Variants in CYP2F1 observed in about 807,000 individuals in gnomAD.
CYP2F1 encodes the protein cytochrome P450 2F1.
Under a neutral mutation model 40.4 loss-of-function variants are expected in CYP2F1, and 33 were observed. The ratio of observed to expected loss-of-function variants is 0.82; its 90% CI spans 0.62 to 1.09. The LOEUF (loss-of-function observed/expected upper bound fraction) is 1.09, where lower values mean the gene tolerates loss of function less well. Among genes scored for constraint, CYP2F1 ranks in the 50% least tolerant of loss-of-function variants. The probability of loss-of-function intolerance (pLI) is 0.00; values close to 1 mark genes in which losing one functional copy is unlikely to be tolerated. For synonymous variants in CYP2F1, 235 were observed against 277.2 expected, an observed-to-expected ratio of 0.85 and a Z score of 1.51; for missense variants, 566 against 655.7, an observed-to-expected ratio of 0.86 and a Z score of 1.49.
At position 41,122,001 on chromosome 19, in the gene CYP2F1, G is replaced by T. The variant is rs150534450; in HGVS notation, c.690G>T (p.Pro230=). 1.2e-6 allele frequency: 2 copies of T among 1,613,146 alleles called. No homozygotes were observed. Among genetic ancestry groups the T allele is most frequent in the South Asian group, 2.2e-5 (2 of 91,030 alleles). Residue 230 remains proline, a synonymous_variant, in exon 6 of 10, where the codon CCG becomes CCT. Coordinates refer to ENST00000331105, the MANE Select transcript of CYP2F1 (RefSeq NM_000774.5). ...FPSLLDWVPG[P]HQRIFQNFKC... is the part of the protein sequence containing the mutation. The stretch of plus-strand genomic sequence containing the variant: ...GCCTCCTGGACTGGGTGCCTGGGCC[G>T]CACCAACGCATCTTCCAGAACTTCA...
chr19:41,128,087 C>T lies in CYP2F1; in HGVS notation c.*5C>T. ...CTGTGCCTGCGCCCGCGCTAACGCC[C>T]CGGCCCTTCCAGATTCGCCTGTGAG... On this transcript the variant is annotated 3_prime_UTR_variant, in exon 10 of 10. Transcript: ENST00000331105. 1 of 1,598,168 alleles carries T rather than the reference C, an allele frequency of 6.3e-7. No homozygotes were observed. The highest frequency in any genetic ancestry group is 2.2e-5 in the East Asian group (1 of 44,476).
chr19:41,126,645 T>C (rs1398934037), intron 9 of CYP2F1, among the ~76,000 whole-genome samples: 2 of 151,822 alleles, frequency 1.3e-5, no homozygotes, highest in Admixed American at 1.3e-4. Context: ...TCCCAGCTAC[T>C]TGGGAGGCTG....
chr19:41,121,187 G>A (rs553582799), intron 4 of CYP2F1, among the ~76,000 whole-genome samples: 56 of 152,222 alleles, frequency 3.7e-4, no homozygotes, highest in African/African-American at 1.3e-3. Flanking sequence ...CGCGTGCTGT[G>A]TGTTGTGTTG....
At chr19:41,122,562 C>T (rs1283309228) in intron 6 of CYP2F1, among the ~76,000 whole-genome samples, 3 of 151,600 alleles carry the variant, frequency 2.0e-5, no homozygotes, top group African/African-American at 7.3e-5. Context: ...CATACATACA[C>T]ACATACATAC....
chr19:41,122,935 G>A lies in CYP2F1; in HGVS notation c.936G>A (p.Leu312=). Residue 312 remains leucine, a synonymous_variant, in exon 7 of 10, where the codon CTG becomes CTA. Transcript: ENST00000331105. ...TVSTTLHHAF[L]ALMKYPKVQA... ...GCACCACGCTGCACCACGCCTTCCT[G>A]GCACTCATGAAGTACCCAAAAGTTC... is the stretch of plus-strand genomic sequence containing the variant. 1 of 1,613,170 alleles carries A rather than the reference G, an allele frequency of 6.2e-7. No individual in the cohort carries two copies. Among genetic ancestry groups the A allele is most frequent in the Non-Finnish European group, 8.5e-7 (1 of 1,179,534 alleles).
At chr19:41,119,748 T>TATATATATATATATATAC (rs1337166345) in intron 3 of CYP2F1, among the ~76,000 whole-genome samples, 11 of 36,100 alleles carry the variant, frequency 3.0e-4, no homozygotes, top group African/African-American at 4.4e-4. Flanking sequence ...TATATATATA[T>TATATATATATATATATAC]ACACACACAC....
chr19:41,125,342 C>G, intron 8 of CYP2F1, 151 bp from the exon 9 acceptor site: 1 of 598,926 alleles, frequency 1.7e-6, no homozygotes, highest in South Asian at 2.0e-5. Flanking sequence ...TAGACACCCA[C>G]ACATATTTCC....
At chr19:41,119,641 A>T (rs978892100) in intron 3 of CYP2F1, among the ~76,000 whole-genome samples, 1 of 146,158 alleles carries the variant, frequency 6.8e-6, no homozygotes, top group South Asian at 2.2e-4. Flanking sequence ...GTAAGCTGAG[A>T]TTGTGCCACT....
In CYP2F1 at chr19:41,116,560, G is replaced by T; in HGVS notation, c.277G>T (p.Glu93Ter). Residue 93 changes from glutamate (E) to a stop codon, truncating the protein, a stop_gained, in exon 3 of 10, where the codon GAG becomes TAG. Coordinates refer to ENST00000331105, the MANE Select transcript of CYP2F1 (RefSeq NM_000774.5). LOFTEE classifies it high-confidence loss of function. Reference sequence around the variant, plus strand: ...GAAGGAGGCCCTGGTGGACCAGGGAGAGGAGTTTAGTGGCCGCGGTGACTA... The same window carrying T: ...GAAGGAGGCCCTGGTGGACCAGGGATAGGAGTTTAGTGGCCGCGGTGACTA... ...AVKEALVDQGEEFSGRGDYPA... is the reference protein window; with the variant it reads ...AVKEALVDQG 1 of 1,614,064 alleles carries T rather than the reference G, an allele frequency of 6.2e-7. No homozygotes were observed. Among genetic ancestry groups the T allele is most frequent in the Non-Finnish European group, 8.5e-7 (1 of 1,179,990 alleles).
Position 41,116,279 on chromosome 19 carries a change from C to T in CYP2F1, c.91C>T (p.Pro31Ser), listed in dbSNP as rs754400596. 1 of 1,614,120 alleles carries T rather than the reference C, an allele frequency of 6.2e-7. No individual in the cohort carries two copies. Among genetic ancestry groups the T allele is most frequent in the East Asian group, 2.2e-5 (1 of 44,868 alleles). ...AAGCTCAAGAGATAAGGGAAAGCTG[C>T]CTCCGGGACCCAGACCCCTCTCAAT... ...TLSSRDKGKL[P>S]PGPRPLSILG... The change falls in exon 2 of 10, where the codon CCT (proline) becomes TCT (serine). Residue 31 changes from proline to serine, a missense_variant. Coordinates refer to ENST00000331105, the MANE Select transcript of CYP2F1 (RefSeq NM_000774.5).
Position 41,122,919 on chromosome 19 carries a change from T to G in CYP2F1, c.920T>G (p.Leu307Arg). 1.9e-6 allele frequency: 3 copies of G among 1,612,216 alleles called. No homozygotes were observed. Among genetic ancestry groups the G allele is most frequent in the Non-Finnish European group, 2.5e-6 (3 of 1,179,054 alleles). Residue 307 changes from leucine (L) to arginine (R), a missense_variant, in exon 7 of 10, where the codon CTG becomes CGG. Around this residue, in one of 5 missense-constraint regions of CYP2F1, gnomAD observed 128 missense variants for 121.0 expected, o/e 1.06. Coordinates refer to ENST00000331105, the MANE Select transcript of CYP2F1 (RefSeq NM_000774.5). ...FGGTKTVSTT[L>R]HHAFLALMKY... The stretch of plus-strand genomic sequence containing the variant: ...GGCACCAAGACGGTGAGCACCACGC[T>G]GCACCACGCCTTCCTGGCACTCATG...
Position 41,116,348 on chromosome 19 carries a change from T to C in CYP2F1, c.160T>C (p.Ser54Pro). ...GCTTTGCTCCCAAGACATGCTGACT[T>C]CTCTCACTAAGGTGCAAGGCCCTTA... The part of the protein sequence containing the change: ...LLLCSQDMLT[S>P]LTKLSKEYGS... Residue 54 changes from serine (S) to proline (P), a missense_variant, in exon 2 of 10, where the codon TCT becomes CCT. Ser to Pro is a moderately conservative substitution (Grantham distance 74, BLOSUM62 -1). Around this residue, in one of 5 missense-constraint regions of CYP2F1, gnomAD observed 264 missense variants for 275.7 expected, o/e 0.96. Coordinates refer to ENST00000331105, the MANE Select transcript of CYP2F1 (RefSeq NM_000774.5). The C allele has an allele frequency of 6.2e-7, 1 of 1,614,038 alleles. No homozygotes were observed. The highest frequency in any genetic ancestry group is 8.5e-7 in the Non-Finnish European group (1 of 1,179,976).
At chr19:41,117,935 C>T (rs1425017284) in intron 3 of CYP2F1, among the ~76,000 whole-genome samples, 4 of 152,086 alleles carry the variant, frequency 2.6e-5, no homozygotes, top group South Asian at 2.1e-4. Flanking sequence ...CTGCAATCTC[C>T]GCCTCCCAGG....
chr19:41,120,301 T>C (rs1371550535), intron 3 of CYP2F1, 46 bp from the exon 4 acceptor site: 1 of 1,539,470 alleles, frequency 6.5e-7, no homozygotes, highest in South Asian at 1.3e-5. Context: ...GGCAGTGGCC[T>C]CAGGATGAGT....
At chr19:41,119,744 T>TACACACAC (rs1354298472) in intron 3 of CYP2F1, among the ~76,000 whole-genome samples, 13 of 63,900 alleles carry the variant, frequency 2.0e-4, no homozygotes, top group South Asian at 1.6e-3. Context: ...TATATATATA[T>TACACACAC]ATATACACAC....
intron 1 of CYP2F1, among the ~76,000 whole-genome samples, chr19:41,115,947 C>T (rs1295997581): frequency 6.6e-6 from 1 of 151,984 alleles, no homozygotes; most frequent in Non-Finnish European, 1.5e-5. Flanking sequence ...TCCTCTATCA[C>T]TTGCCTCTCT....
chr19:41,121,183 C>G (rs534999016), intron 4 of CYP2F1, among the ~76,000 whole-genome samples: 80 of 152,062 alleles, frequency 5.3e-4, no homozygotes, highest in African/African-American at 1.9e-3. Context: ...ATGTCGCGTG[C>G]TGTGTGTTGT....
intron 7 of CYP2F1, among the ~76,000 whole-genome samples, chr19:41,123,659 G>A (rs1487184461): frequency 1.3e-5 from 2 of 152,102 alleles, no homozygotes; most frequent in African/African-American, 4.8e-5. Context: ...GGGAGTACAG[G>A]CGTGCACCAC....
rs1011295850 is a variant in CYP2F1 at position 41,122,734 on chromosome 19, C to T, written c.823-88C>T. On this transcript the variant is annotated intron_variant, in intron 6 of 9. Coordinates refer to ENST00000331105, the MANE Select transcript of CYP2F1 (RefSeq NM_000774.5). ...GAAAGAAAGTTAAACCCAGCTGGGA[C>T]CGAATGGGCCCCCAGCAGCAGTTGT... 2.9e-6 allele frequency: 4 copies of T among 1,363,212 alleles called. No homozygotes were observed. The African/African-American group carries it at 4.4e-5, about 15-fold the overall frequency. 84.4% of individuals were successfully genotyped at this position (1,363,212 alleles called of 1,614,324 possible).
Sources: allele counts gnomAD v4.1 joint callset (sites outside exome capture counted in the v4.1 genomes callset), GRCh38; gene constraint gnomAD v4.1.1; regional missense constraint gnomAD v4.1.1; transcripts MANE v1.5; gene names NCBI Gene and HGNC (gene_info 2026-07-23, HGNC 2026-07-21).